DPP10: variants seen among roughly 807,000 people sequenced by gnomAD.
The protein encoded by DPP10 is inactive dipeptidyl peptidase 10.
Under a neutral mutation model 120.9 loss-of-function variants are expected in DPP10, and 33 were observed. The observed-to-expected ratio is 0.27, with a 90% CI of 0.21 to 0.37. DPP10 has a LOEUF of 0.37. Ranked by LOEUF, DPP10 falls within the 10% of genes least tolerant of loss-of-function variation. The pLI, the probability that DPP10 is intolerant of heterozygous loss-of-function variation, is 1.00. For synonymous variants in DPP10, 337 were observed against 326.1 expected, an observed-to-expected ratio of 1.03 and a Z score of -0.36; for missense variants, 816 against 942.8, an observed-to-expected ratio of 0.87 and a Z score of 1.76.
intron 1 of DPP10, among the ~76,000 whole-genome samples, chr2:114,467,182 G>T (rs946588847): frequency 1.3e-5 from 2 of 152,066 alleles, no homozygotes; most frequent in Admixed American, 1.3e-4. Context: ...TATTAAAATA[G>T]TAAGTGGTAA....
At chr2:115,150,877 G>A (rs567480792) in intron 1 of DPP10, among the ~76,000 whole-genome samples, 22 of 152,334 alleles carry the variant, frequency 1.4e-4, no homozygotes, top group Non-Finnish European at 2.1e-4. Context: ...CGTTTAGTGT[G>A]TTGGGATAAA....
intron 7 of DPP10, among the ~76,000 whole-genome samples, chr2:115,708,947 G>A (rs538203183): frequency 1.3e-4 from 20 of 152,130 alleles, no homozygotes; most frequent in Admixed American, 1.1e-3. Context: ...TTGAATAAAT[G>A]GTTTTACAAC....
At chr2:114,576,874 T>G (rs1338919613) in intron 1 of DPP10, among the ~76,000 whole-genome samples, 3 of 94,598 alleles carry the variant, frequency 3.2e-5, no homozygotes, top group African/African-American at 4.9e-5. Flanking sequence ...GGGAAGAGTG[T>G]TTTTTTTTTG....
At chr2:114,582,046 A>T (rs1573714128) in intron 1 of DPP10, among the ~76,000 whole-genome samples, 1 of 152,236 alleles carries the variant, frequency 6.6e-6, no homozygotes, top group South Asian at 2.1e-4. Flanking sequence ...ATATAGTGAC[A>T]TGTATCCACC....
chr2:114,764,135 A>G (rs1246619710), intron 1 of DPP10, among the ~76,000 whole-genome samples: 1 of 152,188 alleles, frequency 6.6e-6, no homozygotes, highest in African/African-American at 2.4e-5. Context: ...CTTCAACTGT[A>G]TTACTAAATG....
intron 1 of DPP10, among the ~76,000 whole-genome samples, chr2:114,747,149 G>A (rs1574092309): frequency 6.6e-6 from 1 of 152,308 alleles, no homozygotes; most frequent in Non-Finnish European, 1.5e-5. Context: ...GAGGGAGAAT[G>A]ATGAGTCTGC....
intron 1 of DPP10, among the ~76,000 whole-genome samples, chr2:115,267,617 TCTTC>T (rs1014440612): frequency 1.3e-5 from 2 of 152,104 alleles, no homozygotes; most frequent in African/African-American, 4.8e-5. Context: ...TATTTCACTC[TCTTC>T]CTTCTAATCT....
intron 3 of DPP10, among the ~76,000 whole-genome samples, chr2:115,425,986 A>G (rs2070423232): frequency 6.6e-6 from 1 of 152,228 alleles, no homozygotes; most frequent in Non-Finnish European, 1.5e-5. Flanking sequence ...GCAGCACTGA[A>G]CTAATGAGGG....
At chr2:115,563,847 A>AT (rs1196254623) in intron 5 of DPP10, among the ~76,000 whole-genome samples, 1 of 152,178 alleles carries the variant, frequency 6.6e-6, no homozygotes, top group Non-Finnish European at 1.5e-5. Context: ...AAGAAGAGAG[A>AT]TTTTCTCTAT....
intron 3 of DPP10, among the ~76,000 whole-genome samples, chr2:115,361,047 C>T (rs984179598): frequency 5.3e-5 from 8 of 152,132 alleles, no homozygotes; most frequent in Admixed American, 2.0e-4. Context: ...TTTTGTTCTC[C>T]GATTGCTTGT....
intron 2 of DPP10, among the ~76,000 whole-genome samples, chr2:115,324,780 G>A (rs2062257647): frequency 6.6e-6 from 1 of 152,138 alleles, no homozygotes; most frequent in African/African-American, 2.4e-5. Flanking sequence ...AGCTTTTGAT[G>A]TGCCTTCTTC....
At chr2:114,799,992 G>C (rs1189396838) in intron 1 of DPP10, among the ~76,000 whole-genome samples, 1 of 152,186 alleles carries the variant, frequency 6.6e-6, no homozygotes, top group Non-Finnish European at 1.5e-5. Flanking sequence ...ACAAACCTCT[G>C]TTATTTTGCA....
At chr2:114,769,121 TAC>T (rs1018332996) in intron 1 of DPP10, among the ~76,000 whole-genome samples, 1 of 152,042 alleles carries the variant, frequency 6.6e-6, no homozygotes. Context: ...AATTAAGAAA[TAC>T]AGTTTGAAGT....
intron 1 of DPP10, among the ~76,000 whole-genome samples, chr2:114,997,485 C>T (rs923416262): frequency 7.9e-6 from 1 of 127,248 alleles, no homozygotes; most frequent in Non-Finnish European, 1.6e-5. Flanking sequence ...AGCGAGACTC[C>T]GTCTCAAAAA....
At chr2:115,027,248 G>GTTTTCCAAATATAAGATTAAGTC (rs1416359980) in intron 1 of DPP10, among the ~76,000 whole-genome samples, 1 of 151,992 alleles carries the variant, frequency 6.6e-6, no homozygotes, top group East Asian at 1.9e-4. Context: ...GAGTCTTTAT[G>GTTTTCCAAATATAAGATTAAGTC]TTTTCCAAAT....
intron 5 of DPP10, among the ~76,000 whole-genome samples, chr2:115,627,037 C>A (rs1338832717): frequency 6.6e-6 from 1 of 152,042 alleles, no homozygotes; most frequent in African/African-American, 2.4e-5. Flanking sequence ...GGCACAGATG[C>A]TCTGTATAGG....
At chr2:115,652,019 ACT>A (rs2087826207) in intron 5 of DPP10, among the ~76,000 whole-genome samples, 1 of 152,000 alleles carries the variant, frequency 6.6e-6, no homozygotes, top group African/African-American at 2.4e-5. Context: ...TCGAATTCAG[ACT>A]CTATAATTGA....
chr2:115,532,680 TA>T (rs2078540788), intron 5 of DPP10, among the ~76,000 whole-genome samples: 1 of 151,930 alleles, frequency 6.6e-6, no homozygotes, highest in African/African-American at 2.4e-5. Context: ...TTTAATGCCA[TA>T]AAATTAAAAC....
intron 1 of DPP10, among the ~76,000 whole-genome samples, chr2:114,654,411 A>C (rs1696822727): frequency 6.6e-6 from 1 of 152,202 alleles, no homozygotes; most frequent in East Asian, 1.9e-4. Flanking sequence ...GAAAGAAGAA[A>C]AAAGCAGAGT....
Sources: gnomAD v4.1 joint callset for allele counts (sites outside exome capture counted in the v4.1 genomes callset) on GRCh38, gnomAD v4.1.1 for gene constraint, MANE v1.5 for transcripts, NCBI Gene and HGNC (gene_info 2026-07-23, HGNC 2026-07-21) for gene names.